Variants in KCNQ5 observed in about 807,000 individuals in gnomAD.
KCNQ5 encodes potassium voltage-gated channel subfamily KQT member 5.
Under a neutral mutation model 98.2 loss-of-function variants are expected in KCNQ5, and 30 were observed. The observed-to-expected ratio is 0.31, with a 90% CI of 0.23 to 0.41. The LOEUF is 0.41. KCNQ5 is among the 10% of genes least tolerant of loss of function. The pLI is 1.00. For missense variants in KCNQ5, 835 were observed against 1,182.5 expected, an observed-to-expected ratio of 0.71 and a Z score of 4.31; for synonymous variants, 458 against 449.4, an observed-to-expected ratio of 1.02 and a Z score of -0.24.
chr6:73,030,279 T>C (rs1324020469), intron 2 of KCNQ5, among the ~76,000 whole-genome samples: 1 of 152,208 alleles, frequency 6.6e-6, no homozygotes, highest in African/African-American at 2.4e-5. Flanking sequence ...CAGTTTCTAT[T>C]GGTGGTGATA....
At chr6:72,765,295 A>G (rs1429435518) in intron 1 of KCNQ5, among the ~76,000 whole-genome samples, 1 of 151,882 alleles carries the variant, frequency 6.6e-6, no homozygotes, top group East Asian at 1.9e-4. Flanking sequence ...CCTTGAGTTT[A>G]TATTCTGGTT....
At chr6:73,067,762 C>G (rs928035738) in intron 3 of KCNQ5, among the ~76,000 whole-genome samples, 30 of 152,116 alleles carry the variant, frequency 2.0e-4, no homozygotes, top group African/African-American at 7.0e-4. Context: ...GGCCAATGTA[C>G]TAACCTTTCT....
chr6:72,913,786 A>T (rs1379826904), intron 1 of KCNQ5, among the ~76,000 whole-genome samples: 3 of 152,238 alleles, frequency 2.0e-5, no homozygotes, highest in Non-Finnish European at 4.4e-5. Context: ...GTTTAATGTA[A>T]GTTTTCATGA....
rs564550820 is a variant in KCNQ5, at chr6:72,931,618, C to G, written c.399-72290C>G. On this transcript the variant is annotated intron_variant, in intron 1 of 13. Transcript: ENST00000370398. ...GTCAGCAGGTGGGAAAGCCAAGAAA[C>G]CTGATTTATATTGCAGACCAAAAGG... Among the ~76,000 whole-genome samples the G allele has an allele frequency of 5.9e-5, 9 of 152,256 alleles. No individual in the cohort carries two copies. The South Asian group carries it at 1.7e-3, about 28-fold the overall frequency.
intron 1 of KCNQ5, among the ~76,000 whole-genome samples, chr6:72,852,756 A>G (rs1028801533): frequency 6.7e-6 from 1 of 149,654 alleles, no homozygotes; most frequent in Non-Finnish European, 1.5e-5. Flanking sequence ...TTATGAGCCC[A>G]TTTTTAAACA....
At chr6:72,689,720 G>A (rs1768119651) in intron 1 of KCNQ5, among the ~76,000 whole-genome samples, 1 of 151,702 alleles carries the variant, frequency 6.6e-6, no homozygotes, top group Non-Finnish European at 1.5e-5. Flanking sequence ...TTACAATTCA[G>A]TGACATTGCA....
At chr6:72,699,072 A>T (rs1020357674) in intron 1 of KCNQ5, among the ~76,000 whole-genome samples, 3 of 152,158 alleles carry the variant, frequency 2.0e-5, no homozygotes, top group African/African-American at 4.8e-5. Context: ...GCCAGAAGGT[A>T]CCCATTCTAA....
intron 3 of KCNQ5, chr6:73,055,185 T>C: frequency 1.1e-6 from 1 of 914,172 alleles, no homozygotes; most frequent in Admixed American, 1.7e-5. Flanking sequence ...GACGCCATCC[T>C]GAGCCCAGCG....
intron 7 of KCNQ5, among the ~76,000 whole-genome samples, chr6:73,116,528 A>G (rs1007773982): frequency 6.6e-6 from 1 of 152,118 alleles, no homozygotes; most frequent in African/African-American, 2.4e-5. Flanking sequence ...AGTCAAGTGC[A>G]ATGGCACACA....
At chr6:73,048,378 G>A (rs1039143306) in intron 3 of KCNQ5, among the ~76,000 whole-genome samples, 13 of 152,182 alleles carry the variant, frequency 8.5e-5, no homozygotes, top group Non-Finnish European at 1.6e-4. Flanking sequence ...ATAAGGTCTC[G>A]TGGCTGGAGC....
chr6:72,696,296 G>T (rs1372104147), intron 1 of KCNQ5, among the ~76,000 whole-genome samples: 2 of 152,060 alleles, frequency 1.3e-5, no homozygotes, highest in Non-Finnish European at 1.5e-5. Flanking sequence ...AATGAATTAT[G>T]GTAATCAGAA....
intron 10 of KCNQ5, among the ~76,000 whole-genome samples, chr6:73,162,479 G>A (rs1380049069): frequency 1.3e-5 from 2 of 152,110 alleles, no homozygotes; most frequent in African/African-American, 4.8e-5. Context: ...TTCTGAGTAG[G>A]TTTTGACTAG....
chr6:72,964,429 T>A (rs1767512377), intron 1 of KCNQ5, among the ~76,000 whole-genome samples: 1 of 152,246 alleles, frequency 6.6e-6, no homozygotes, highest in Non-Finnish European at 1.5e-5. Flanking sequence ...TCTGTTTATT[T>A]GTTGATTCTA....
intron 2 of KCNQ5, among the ~76,000 whole-genome samples, chr6:73,017,043 A>C (rs964200234): frequency 3.9e-5 from 6 of 152,046 alleles, no homozygotes; most frequent in Non-Finnish European, 7.4e-5. Context: ...TTCCTCTTCT[A>C]ATTTCTCCAG....
intron 1 of KCNQ5, among the ~76,000 whole-genome samples, chr6:72,723,743 C>T (rs1171756761): frequency 6.6e-6 from 1 of 151,266 alleles, no homozygotes; most frequent in African/African-American, 2.4e-5. Flanking sequence ...AGCAATTTTT[C>T]AAAATTTTTC....
At chr6:72,977,249 A>C (rs571135977) in intron 1 of KCNQ5, among the ~76,000 whole-genome samples, 52 of 152,320 alleles carry the variant, frequency 3.4e-4, no homozygotes, top group African/African-American at 1.2e-3. Context: ...TGGGACACAA[A>C]GAGTATGAGC....
intron 2 of KCNQ5, among the ~76,000 whole-genome samples, chr6:73,023,454 G>C (rs1225369170): frequency 1.3e-5 from 2 of 152,122 alleles, no homozygotes; most frequent in Non-Finnish European, 2.9e-5. Flanking sequence ...TAGAGAAAAA[G>C]AAGGGAACTC....
intron 1 of KCNQ5, among the ~76,000 whole-genome samples, chr6:72,894,574 C>A (rs1779173247): frequency 6.6e-6 from 1 of 152,130 alleles, no homozygotes; most frequent in African/African-American, 2.4e-5. Flanking sequence ...AAATTAATTT[C>A]CCTCTGGCTT....
chr6:72,988,534 A>G (rs935322572), intron 1 of KCNQ5, among the ~76,000 whole-genome samples: 3 of 152,182 alleles, frequency 2.0e-5, no homozygotes, highest in Non-Finnish European at 4.4e-5. Context: ...GGCGTAGGTC[A>G]AAAAACTACC....
Sources: allele counts gnomAD v4.1 joint callset (sites outside exome capture counted in the v4.1 genomes callset), GRCh38; gene constraint gnomAD v4.1.1; transcripts MANE v1.5; gene names NCBI Gene and HGNC (gene_info 2026-07-23, HGNC 2026-07-21).